DMD: variants seen among roughly 807,000 people sequenced by gnomAD.
DMD encodes dystrophin.
Under a neutral mutation model 330.1 loss-of-function variants are expected in DMD, and 63 were observed. That is an observed-to-expected ratio of 0.19 (90% CI 0.16 to 0.24). DMD has a LOEUF of 0.24. Among genes scored for constraint, DMD ranks in the 10% least tolerant of loss-of-function variants. The pLI is 1.00. For missense variants in DMD, 3,344 were observed against 2,684.1 expected (o/e 1.25, Z -5.43); for synonymous variants, 1,223 against 959.8 (o/e 1.27, Z -5.07).
At chrX:31,371,153 G>C (rs1375710973) in intron 60 of DMD, among the ~76,000 whole-genome samples, 3 of 110,832 alleles carry the variant, frequency 2.7e-5, no homozygotes, top group Non-Finnish European at 5.7e-5. Flanking sequence ...GAGTTTTGCA[G>C]GTGTACCATT....
intron 17 of DMD, among the ~76,000 whole-genome samples, chrX:32,544,150 A>G (rs2148953410): frequency 8.9e-6 from 1 of 112,178 alleles, no homozygotes; most frequent in African/African-American, 3.2e-5. Flanking sequence ...TTGCTTAGCC[A>G]AGCTGACACA....
chrX:32,820,695 C>G (rs1044650710), intron 5 of DMD, among the ~76,000 whole-genome samples: 4 of 111,320 alleles, frequency 3.6e-5, no homozygotes, highest in African/African-American at 1.3e-4. Context: ...ATCTGTCTTA[C>G]GCAAAGCGGG....
intron 71 of DMD, among the ~76,000 whole-genome samples, chrX:31,177,305 G>C (rs1287874402): frequency 2.7e-5 from 3 of 111,478 alleles, no homozygotes; most frequent in Non-Finnish European, 5.7e-5. Flanking sequence ...ATGTATAATT[G>C]TTTATGAGCT....
chrX:32,335,782 G>A (rs1451981136), intron 41 of DMD, among the ~76,000 whole-genome samples: 1 of 102,217 alleles, frequency 9.8e-6, no homozygotes, highest in Non-Finnish European at 2.0e-5. Flanking sequence ...CGTTATATAT[G>A]TATAACATGT....
At chrX:32,745,242 A>G (rs776535777) in intron 7 of DMD, among the ~76,000 whole-genome samples, 2 of 112,238 alleles carry the variant, frequency 1.8e-5, no homozygotes, top group South Asian at 7.3e-4. Context: ...GCTTTTTATA[A>G]CTTCAAACAT....
chrX:32,879,021 A>AAAAAAAAAAAAACAAAC (rs1352069437), intron 2 of DMD, among the ~76,000 whole-genome samples: 11 of 101,762 alleles, frequency 1.1e-4, no homozygotes, highest in African/African-American at 3.9e-4. Context: ...AAAAAAACAA[A>AAAAAAAAAAAAACAAAC]AAACAAAAAA....
chrX:33,054,241 G>A (rs2094492442), intron 1 of DMD, among the ~76,000 whole-genome samples: 1 of 111,779 alleles, frequency 8.9e-6, no homozygotes, highest in African/African-American at 3.3e-5. Flanking sequence ...AATATGTTTG[G>A]CAGGGGTTTA....
At chrX:32,816,730 A>G (rs2077794863) in intron 5 of DMD, 90 bp from the exon 6 acceptor site, 10 of 929,100 alleles carry the variant, frequency 1.1e-5, no homozygotes, top group Non-Finnish European at 1.5e-5. Flanking sequence ...ATCTTCAGTG[A>G]TAAATAGAAA....
intron 17 of DMD, among the ~76,000 whole-genome samples, chrX:32,526,459 C>A (rs917831469): frequency 1.8e-5 from 2 of 109,570 alleles, no homozygotes; most frequent in Admixed American, 2.0e-4. Flanking sequence ...ATTACTACAC[C>A]AAGACAATTT....
At chrX:31,422,218 C>CA (rs1446886878) in intron 60 of DMD, among the ~76,000 whole-genome samples, 1 of 108,081 alleles carries the variant, frequency 9.3e-6, no homozygotes, top group African/African-American at 3.4e-5. Context: ...CCATGTTGGC[C>CA]AAGCTGGTCT....
chrX:31,240,075 A>C (rs971092716), intron 63 of DMD, among the ~76,000 whole-genome samples: 3 of 111,734 alleles, frequency 2.7e-5, no homozygotes, highest in African/African-American at 9.8e-5. Flanking sequence ...AATTTGACTT[A>C]AAGGCCACGA....
intron 44 of DMD, among the ~76,000 whole-genome samples, chrX:32,213,765 G>GGAGATCTA (rs201600375): frequency 0.094 from 10,457 of 110,905 alleles, 497 homozygotes; most frequent in Admixed American, 0.14. Context: ...ACCTGAGGTC[G>GGAGATCTA]GAGATCTAGA....
At chrX:32,853,310 A>G (rs1305571950) in intron 2 of DMD, among the ~76,000 whole-genome samples, 1 of 112,284 alleles carries the variant, frequency 8.9e-6, no homozygotes, top group Non-Finnish European at 1.9e-5. Context: ...AACTATTGTA[A>G]TACTGTAATT....
intron 1 of DMD, among the ~76,000 whole-genome samples, chrX:33,293,774 C>T (rs953098464): frequency 1.8e-5 from 2 of 111,756 alleles, no homozygotes; most frequent in African/African-American, 6.5e-5. Flanking sequence ...AGGTAGATAA[C>T]TGCCCAAACG....
intron 1 of DMD, among the ~76,000 whole-genome samples, chrX:33,108,967 T>C (rs1038948551): frequency 9.4e-6 from 1 of 106,491 alleles, no homozygotes; most frequent in Non-Finnish European, 1.9e-5. Context: ...TTTAGAATTA[T>C]AGTATCAATT....
intron 2 of DMD, among the ~76,000 whole-genome samples, chrX:32,990,559 C>T (rs2092947381): frequency 8.9e-6 from 1 of 111,856 alleles, no homozygotes; most frequent in African/African-American, 3.3e-5. Context: ...TGCTTTAGAA[C>T]TTGTAGATTC....
intron 9 of DMD, among the ~76,000 whole-genome samples, chrX:32,666,554 C>T (rs7056568): frequency 0.09 from 9,982 of 110,639 alleles, 1,117 homozygotes; most frequent in African/African-American, 0.31. Flanking sequence ...ATTTTATGGT[C>T]GCATAGTATT....
intron 41 of DMD, among the ~76,000 whole-genome samples, chrX:32,312,611 A>G (rs1168294260): frequency 9.1e-6 from 1 of 110,343 alleles, no homozygotes; most frequent in African/African-American, 3.3e-5. Flanking sequence ...TTAAATAAAA[A>G]TGAGATTTGC....
intron 1 of DMD, among the ~76,000 whole-genome samples, chrX:33,217,698 G>C (rs1346998360): frequency 9.0e-6 from 1 of 111,672 alleles, no homozygotes; most frequent in South Asian, 3.7e-4. Context: ...ATATAGATAC[G>C]ATGTTGTACA....
Sources: gnomAD v4.1 joint callset for allele counts (sites outside exome capture counted in the v4.1 genomes callset) on GRCh38, gnomAD v4.1.1 for gene constraint, MANE v1.5 for transcripts, NCBI Gene and HGNC (gene_info 2026-07-23, HGNC 2026-07-21) for gene names.